The following CD8B variants were observed in gnomAD, a reference collection of about 807,000 sequenced individuals.
The protein encoded by CD8B is CD8 subunit beta.
In CD8B, 6 loss-of-function variants were observed where a neutral mutation model predicts 24.2. The observed-to-expected ratio is 0.25, with a 90% confidence interval of 0.14 to 0.49. CD8B has a LOEUF of 0.49. Ranked by LOEUF, CD8B falls within the 20% of genes least tolerant of loss-of-function variation. CD8B has a pLI of 0.98. For synonymous variants in CD8B, 84 were observed against 108.3 expected (o/e 0.78, Z 1.39); for missense variants, 196 against 271.3 (o/e 0.72, Z 1.95).
chr2:86,844,738 G>A, intron 5 of CD8B, 184 bp downstream of exon 5: 1 of 1,527,954 alleles, frequency 6.5e-7, no homozygotes, highest in Non-Finnish European at 8.8e-7. Context: ...GAACTCCTGG[G>A]CTCAAGTGAT....
Position 86,853,983 on chromosome 2 carries a change from C to A in CD8B, c.404-897G>T, listed in dbSNP as rs1259196507. On this transcript the variant is annotated intron_variant, in intron 2 of 5. Coordinates refer to ENST00000390655, the MANE Select transcript of CD8B (RefSeq NM_004931.5). ...CTTGAACTCCTGATCTCAGGTAATCCACTCACCTCGGCCTCCAAAAGTGCT... is the reference window on the plus strand; with the variant it reads ...CTTGAACTCCTGATCTCAGGTAATCAACTCACCTCGGCCTCCAAAAGTGCT... 7.2e-5 allele frequency among the ~76,000 whole-genome samples: 11 copies of A among 152,086 alleles called. No homozygotes were observed. The East Asian group carries it at 2.1e-3, about 29-fold the overall frequency.
chr2:86,855,867 G>T lies in CD8B; in HGVS notation c.403+2190C>A, dbSNP rs567272114. 3.3e-3 allele frequency among the ~76,000 whole-genome samples: 503 copies of T among 152,358 alleles called. 4 individuals are homozygous for T. The highest frequency in any genetic ancestry group is 5.8e-3 in the Non-Finnish European group (393 of 68,040). ...GGGCACCGCCGCCTGGGTCTAGTGGGAGACTCAGGTTGGGGGACTGTTCTG... is the reference window on the plus strand; with the variant it reads ...GGGCACCGCCGCCTGGGTCTAGTGGTAGACTCAGGTTGGGGGACTGTTCTG... On this transcript the variant is annotated intron_variant, in intron 2 of 5. Coordinates refer to ENST00000390655, the MANE Select transcript of CD8B (RefSeq NM_004931.5).
chr2:86,826,722 A>G (rs1674702767), intron 5 of CD8B, among the ~76,000 whole-genome samples: 1 of 152,044 alleles, frequency 6.6e-6, no homozygotes. Flanking sequence ...TCGCCCAAGT[A>G]CACTGTGGGA....
chr2:86,840,840 C>T lies in CD8B; in HGVS notation c.*1467G>A, dbSNP rs1675389632. ...ACCACACCTCATTCTGCTGCGGCCGCACCCCAGATGCCAGGAGAAGGTCAC... is the reference window on the plus strand; with the variant it reads ...ACCACACCTCATTCTGCTGCGGCCGTACCCCAGATGCCAGGAGAAGGTCAC... On this transcript the variant is annotated 3_prime_UTR_variant, in exon 6 of 6. Transcript: ENST00000390655. Among the ~76,000 whole-genome samples, 1 of 152,160 alleles carries T rather than the reference C, an allele frequency of 6.6e-6. No homozygotes were observed. Among genetic ancestry groups the T allele is most frequent in the South Asian group, 2.1e-4 (1 of 4,832 alleles).
chr2:86,847,651 C>T (rs868155027), intron 3 of CD8B, among the ~76,000 whole-genome samples: 2 of 152,178 alleles, frequency 1.3e-5, no homozygotes, highest in East Asian at 1.9e-4. Context: ...CTGCAACCTC[C>T]GCCTTCTGGG....
intron 1 of CD8B, among the ~76,000 whole-genome samples, chr2:86,858,677 A>G (rs1484839029): frequency 6.9e-6 from 1 of 144,226 alleles, no homozygotes; most frequent in African/African-American, 2.6e-5. Flanking sequence ...CCATTTGTTT[A>G]TTGTGTACTT....
rs1169041224 is a variant in CD8B at position 86,839,954 on chromosome 2, C to G, written c.*2353G>C. On this transcript the variant is annotated 3_prime_UTR_variant, in exon 6 of 6. Transcript: ENST00000390655. ...TGACCCCAATTCTTTCACCCCTCCC[C>G]TCAGCCTTGGAAGGCAGCCTGTCCC... 6.6e-6 allele frequency among the ~76,000 whole-genome samples: 1 copy of G among 152,220 alleles called. No individual in the cohort carries two copies. Among genetic ancestry groups the G allele is most frequent in the Non-Finnish European group, 1.5e-5 (1 of 68,042 alleles).
In CD8B at chr2:86,840,392, A is replaced by G. The variant is rs1323686637; in HGVS notation, c.*1915T>C. Among the ~76,000 whole-genome samples the G allele has an allele frequency of 1.3e-5, 2 of 152,170 alleles. No individual in the cohort carries two copies. The highest frequency in any genetic ancestry group is 4.2e-4 in the South Asian group (2 of 4,818). On this transcript the variant is annotated 3_prime_UTR_variant, in exon 6 of 6. Coordinates refer to ENST00000390655, the MANE Select transcript of CD8B (RefSeq NM_004931.5). ...ACTGAGTAACCAAGGATCAAAGGCTACTCTCCCTACAACCCTCCCCCTTCC... is the reference window on the plus strand; with the variant it reads ...ACTGAGTAACCAAGGATCAAAGGCTGCTCTCCCTACAACCCTCCCCCTTCC...
chr2:86,836,929 A>G (rs1385622229), downstream of CD8B, among the ~76,000 whole-genome samples: 10 of 152,064 alleles, frequency 6.6e-5, no homozygotes, highest in South Asian at 1.2e-3. Context: ...GCCGAGATGG[A>G]TGGATTGCTT....
chr2:86,844,919 T>TA lies in CD8B; in HGVS notation c.620+2dup, dbSNP rs1189556255. 6.4e-7 allele frequency: 1 copy of TA among 1,556,864 alleles called. No homozygotes were observed. The highest frequency in any genetic ancestry group is 8.7e-7 in the Non-Finnish European group (1 of 1,150,066). On this transcript the variant is annotated splice_region_variant and intron_variant, in intron 5 of 5. Coordinates refer to ENST00000390655, the MANE Select transcript of CD8B (RefSeq NM_004931.5). ...CAAGGCCACACCCAGGTTATACACTTACTGTTTCATGAAACGAAGCCGGGC... is the reference window on the plus strand; with the variant it reads ...CAAGGCCACACCCAGGTTATACACTTAACTGTTTCATGAAACGAAGCCGGGC...
intron 1 of CD8B, among the ~76,000 whole-genome samples, chr2:86,860,079 G>C (rs1249595401): frequency 1.3e-5 from 2 of 151,972 alleles, no homozygotes; most frequent in Non-Finnish European, 2.9e-5. Flanking sequence ...AGACCAGCCT[G>C]GGCAACATAG....
intron 1 of CD8B, among the ~76,000 whole-genome samples, chr2:86,861,494 G>C (rs558974075): frequency 3.3e-5 from 5 of 152,322 alleles, no homozygotes; most frequent in African/African-American, 1.2e-4. Flanking sequence ...GCAGGGACCT[G>C]TTTCCTTCCC....
chr2:86,828,964 GC>G (rs1480792950), intron 5 of CD8B, among the ~76,000 whole-genome samples: 1 of 144,066 alleles, frequency 6.9e-6, no homozygotes, highest in Non-Finnish European at 1.5e-5. Flanking sequence ...TTGTTGTTTT[GC>G]CTGGCTGTCA....
intron 2 of CD8B, among the ~76,000 whole-genome samples, chr2:86,856,467 T>C (rs1676264160): frequency 6.6e-6 from 1 of 152,200 alleles, no homozygotes; most frequent in Non-Finnish European, 1.5e-5. Flanking sequence ...GCTTCTTGCC[T>C]GCAATACACC....
At chr2:86,836,344 G>A (rs146349661), downstream of CD8B, among the ~76,000 whole-genome samples, 14,317 of 152,164 alleles carry the variant, frequency 0.094, 754 homozygotes, top group Middle Eastern at 0.16. Context: ...TACTAGGGAG[G>A]GAACTGAGGC....
intron 5 of CD8B, among the ~76,000 whole-genome samples, chr2:86,821,509 A>G (rs543128265): frequency 4.6e-5 from 7 of 152,142 alleles, no homozygotes; most frequent in Non-Finnish European, 8.8e-5. Context: ...TCCTGCGGAC[A>G]CACTTGAGTT....
chr2:86,828,421 T>A lies in CD8B; in HGVS notation c.621-12703A>T, dbSNP rs141275706. On this transcript the variant is annotated intron_variant, in intron 5 of 5. Transcript: ENST00000331469. ...TTATATTTTGGAAAATTTTAATTTT[T>A]AAAAATTTTTGTTATTTGATGATGA... 1.1e-3 allele frequency among the ~76,000 whole-genome samples: 167 copies of A among 152,276 alleles called. 1 individual carries two copies. Among genetic ancestry groups the A allele is most frequent in the African/African-American group, 3.8e-3 (157 of 41,544 alleles).
At chr2:86,833,635 C>T (rs186248842), downstream of CD8B, among the ~76,000 whole-genome samples, 3 of 72,360 alleles carry the variant, frequency 4.1e-5, no homozygotes, top group Non-Finnish European at 7.3e-5. Context: ...CTCCCTCCCT[C>T]CCTCCCTTCC....
At chr2:86,823,710 C>T (rs748149491) in intron 5 of CD8B, among the ~76,000 whole-genome samples, 13 of 152,110 alleles carry the variant, frequency 8.5e-5, no homozygotes, top group Non-Finnish European at 1.9e-4. Flanking sequence ...GGGCACTGTT[C>T]GAGGCAGGGT....
Sources: allele counts gnomAD v4.1 joint callset (sites outside exome capture counted in the v4.1 genomes callset), GRCh38; gene constraint gnomAD v4.1.1; transcripts MANE v1.5; gene names NCBI Gene and HGNC (gene_info 2026-07-23, HGNC 2026-07-21).